The following AGBL3 variants were observed in gnomAD, a reference collection of about 807,000 sequenced individuals.
The protein encoded by AGBL3 is AGBL carboxypeptidase 3, also known as cytosolic carboxypeptidase 3.
In AGBL3, 68 loss-of-function variants were observed where a neutral mutation model predicts 94.5. That is an observed-to-expected ratio of 0.72 (90% CI 0.59 to 0.88). The LOEUF (loss-of-function observed/expected upper bound fraction) is 0.88, where lower values mean the gene tolerates loss of function less well. Among genes scored for constraint, AGBL3 ranks in the 40% least tolerant of loss-of-function variants. AGBL3 has a pLI of 0.00. For missense variants in AGBL3, 934 were observed against 1,103.8 expected, an observed-to-expected ratio of 0.85 and a Z score of 2.18; for synonymous variants, 354 against 370.7, an observed-to-expected ratio of 0.95 and a Z score of 0.52.
intron 15 of AGBL3, among the ~76,000 whole-genome samples, chr7:135,085,519 CT>C (rs1821267896): frequency 6.6e-6 from 1 of 151,696 alleles, no homozygotes; most frequent in African/African-American, 2.4e-5. Flanking sequence ...TTGAATTGAC[CT>C]TTTTTATGGT....
intron 4 of AGBL3, among the ~76,000 whole-genome samples, chr7:135,004,462 CAAT>C (rs1305959520): frequency 4.0e-5 from 6 of 151,538 alleles, no homozygotes; most frequent in Admixed American, 3.9e-4. Flanking sequence ...AGAGCAGTTT[CAAT>C]AATGTTTTAA....
chr7:135,123,235 C>G (rs906253386), intron 16 of AGBL3, among the ~76,000 whole-genome samples: 9 of 152,078 alleles, frequency 5.9e-5, no homozygotes, highest in African/African-American at 2.2e-4. Context: ...AGCACAAGAA[C>G]CTTGTGAAGC....
chr7:135,109,317 G>GAC (rs1825253842), intron 15 of AGBL3, among the ~76,000 whole-genome samples: 1 of 152,222 alleles, frequency 6.6e-6, no homozygotes, highest in Admixed American at 6.5e-5. Context: ...AGGGCTGCAA[G>GAC]AGAGCAAAGA....
At chr7:135,090,097 G>A (rs751695562) in intron 15 of AGBL3, among the ~76,000 whole-genome samples, 5 of 152,110 alleles carry the variant, frequency 3.3e-5, no homozygotes, top group Non-Finnish European at 7.4e-5. Flanking sequence ...GGCAGGATAT[G>A]GCTGCAATTC....
chr7:135,029,041 G>A (rs573370539), intron 5 of AGBL3, among the ~76,000 whole-genome samples: 66 of 152,324 alleles, frequency 4.3e-4, no homozygotes, highest in Non-Finnish European at 7.8e-4. Context: ...AAAGCATGCT[G>A]TAAACAGATG....
intron 16 of AGBL3, among the ~76,000 whole-genome samples, chr7:135,134,640 T>C (rs6953478): frequency 0.49 from 73,613 of 151,668 alleles, 18,223 homozygotes; most frequent in South Asian, 0.66. Flanking sequence ...TCTAGGCATT[T>C]AGAAATACAG....
intron 12 of AGBL3, among the ~76,000 whole-genome samples, chr7:135,068,719 G>A (rs763755118): frequency 2.0e-4 from 30 of 152,142 alleles, no homozygotes; most frequent in Admixed American, 5.2e-4. Context: ...CCTTCCCTAA[G>A]AGAGCTCCTG....
At chr7:135,061,701 G>A (rs1818851546) in intron 12 of AGBL3, among the ~76,000 whole-genome samples, 1 of 151,992 alleles carries the variant, frequency 6.6e-6, no homozygotes, top group South Asian at 2.1e-4. Flanking sequence ...GACTATAAAT[G>A]CACAGATTTA....
intron 16 of AGBL3, chr7:135,128,550 T>G (rs1422555586): frequency 2.6e-6 from 2 of 767,804 alleles, no homozygotes; most frequent in African/African-American, 1.7e-5. Flanking sequence ...GAAACCAGGA[T>G]CTATTTGGAT....
intron 4 of AGBL3, among the ~76,000 whole-genome samples, chr7:134,999,178 C>A (rs1279901717): frequency 6.6e-6 from 1 of 152,194 alleles, no homozygotes; most frequent in Non-Finnish European, 1.5e-5. Flanking sequence ...GTCCAAATTG[C>A]CACAGTATCT....
chr7:134,995,559 T>C (rs1175166259), intron 4 of AGBL3: 1 of 152,216 alleles, frequency 6.6e-6, no homozygotes, highest in African/African-American at 2.4e-5. Context: ...TGGCCTCTTC[T>C]ATTGAAATTC....
At chr7:135,073,860 C>G (rs374564352) in intron 12 of AGBL3, among the ~76,000 whole-genome samples, 1 of 152,082 alleles carries the variant, frequency 6.6e-6, no homozygotes, top group Non-Finnish European at 1.5e-5. Flanking sequence ...GCCCAGGGTG[C>G]GGCGCCAGGC....
At chr7:135,017,856 A>G (rs753187013) in intron 5 of AGBL3, among the ~76,000 whole-genome samples, 5 of 152,206 alleles carry the variant, frequency 3.3e-5, no homozygotes, top group Admixed American at 6.5e-5. Flanking sequence ...TCACAAAAAT[A>G]TACTCACAAT....
intron 16 of AGBL3, 109 bp from the exon 17 acceptor site, chr7:135,134,732 T>A (rs12669029): frequency 1.9e-5 from 20 of 1,027,808 alleles, no homozygotes; most frequent in Non-Finnish European, 2.6e-5. Flanking sequence ...CTTTAAGAAG[T>A]TATGAACTTA....
chr7:135,064,023 T>A (rs1819063225), intron 12 of AGBL3, among the ~76,000 whole-genome samples: 1 of 152,186 alleles, frequency 6.6e-6, no homozygotes, highest in African/African-American at 2.4e-5. Context: ...TCATGGCCAA[T>A]CACAAGAGTT....
At chr7:135,037,897 T>C (rs1584911992) in intron 8 of AGBL3, among the ~76,000 whole-genome samples, 1 of 152,164 alleles carries the variant, frequency 6.6e-6, no homozygotes, top group Non-Finnish European at 1.5e-5. Flanking sequence ...AAATAGTCAT[T>C]GAGTGCCTAA....
Position 135,037,470 on chromosome 7 carries a change from AG to A in AGBL3, c.1392del (p.Glu466ArgfsTer28), listed in dbSNP as rs1300369639. The part of the protein sequence containing the change: ...ILYCDLHGHS[R>X]KENIFMYGCD... Reference sequence around the variant, plus strand: ...ATACTGTGATCTTCATGGCCATAGTAGGAAAGAGAACATCTTCATGTATGGC... The same window carrying A: ...ATACTGTGATCTTCATGGCCATAGTAGAAAGAGAACATCTTCATGTATGGC... On this transcript the variant is annotated frameshift_variant, in exon 8 of 17. Coordinates refer to ENST00000436302, the MANE Select transcript of AGBL3 (RefSeq NM_178563.4). LOFTEE classifies it high-confidence loss of function. The A allele has an allele frequency of 6.4e-7, 1 of 1,550,488 alleles. No homozygotes were observed. The highest frequency in any genetic ancestry group is 8.7e-7 in the Non-Finnish European group (1 of 1,146,320).
At chr7:135,129,485 T>C (rs1161440346) in intron 16 of AGBL3, 1 of 773,058 alleles carries the variant, frequency 1.3e-6, no homozygotes, top group Non-Finnish European at 2.4e-6. Flanking sequence ...ACTGACCATG[T>C]TGTGGAACTC....
intron 4 of AGBL3, among the ~76,000 whole-genome samples, chr7:134,994,981 C>A (rs1234422608): frequency 6.6e-6 from 1 of 152,096 alleles, no homozygotes; most frequent in African/African-American, 2.4e-5. Context: ...CTGCTACCAC[C>A]CCCTCCAACC....
Sources: allele counts gnomAD v4.1 joint callset (sites outside exome capture counted in the v4.1 genomes callset), GRCh38; gene constraint gnomAD v4.1.1; transcripts MANE v1.5; gene names NCBI Gene and HGNC (gene_info 2026-07-23, HGNC 2026-07-21).